Variants in VWC2L observed in about 807,000 individuals in gnomAD.
VWC2L encodes the protein von Willebrand factor C domain-containing protein 2-like.
VWC2L carries 10 observed loss-of-function variants against 21.6 expected under a neutral mutation model. That is an observed-to-expected ratio of 0.46 (90% CI 0.29 to 0.78). The LOEUF is 0.78. VWC2L is among the 30% of genes least tolerant of loss of function. The probability of loss-of-function intolerance (pLI) is 0.10; values close to 1 mark genes in which losing one functional copy is unlikely to be tolerated. For synonymous variants in VWC2L, 96 were observed against 94.3 expected, an observed-to-expected ratio of 1.02 and a Z score of -0.10; for missense variants, 209 against 277.1, an observed-to-expected ratio of 0.75 and a Z score of 1.74.
chr2:214,543,868 G>A lies in VWC2L; in HGVS notation c.521-31804G>A, dbSNP rs80175537. Among the ~76,000 whole-genome samples the A allele has an allele frequency of 2.8e-3, 428 of 152,154 alleles. 5 individuals carry two copies. The highest frequency in any genetic ancestry group is 0.023 in the East Asian group (117 of 5,170). On this transcript the variant is annotated intron_variant, in intron 3 of 3. Transcript: ENST00000312504. ...CAAATGGCTTCACTTTCATTTTGTCGCCAGGTAAGGGAAAACCTAAAGCCT... is the reference window on the plus strand; with the variant it reads ...CAAATGGCTTCACTTTCATTTTGTCACCAGGTAAGGGAAAACCTAAAGCCT...
chr2:214,466,307 T>C (rs1180083228), intron 3 of VWC2L, among the ~76,000 whole-genome samples: 1 of 152,184 alleles, frequency 6.6e-6, no homozygotes, highest in Non-Finnish European at 1.5e-5. Flanking sequence ...AAGATGTTGC[T>C]CCACTTCTCA....
chr2:214,423,250 T>C (rs950608015), intron 2 of VWC2L, among the ~76,000 whole-genome samples: 1 of 152,104 alleles, frequency 6.6e-6, no homozygotes, highest in African/African-American at 2.4e-5. Context: ...ATAGTCTAGG[T>C]CCTTTCTACT....
intron 1 of VWC2L, among the ~76,000 whole-genome samples, chr2:214,412,817 T>A (rs1189018564): frequency 6.6e-6 from 1 of 152,076 alleles, no homozygotes; most frequent in Non-Finnish European, 1.5e-5. Context: ...CTTAATATAA[T>A]CTGAAAATAA....
chr2:214,535,100 G>A (rs1689505568), intron 3 of VWC2L, among the ~76,000 whole-genome samples: 2 of 152,052 alleles, frequency 1.3e-5, no homozygotes, highest in Admixed American at 6.6e-5. Flanking sequence ...GATCCTAGGA[G>A]TTTGCTTCCT....
rs1196429284 is a variant in VWC2L, at chr2:214,411,741, T to A, written c.-126T>A. On this transcript the variant is annotated 5_prime_UTR_variant, in exon 1 of 4. It adds an upstream start codon to the 5' untranslated region. Transcript: ENST00000312504. ...AACATACCTGACCTTTTAGTTCATTTTGGGCTGTGACCCCTACCACCACCA... is the reference window on the plus strand; with the variant it reads ...AACATACCTGACCTTTTAGTTCATTATGGGCTGTGACCCCTACCACCACCA... The A allele has an allele frequency of 2.0e-5, 3 of 152,192 alleles. No individual in the cohort carries two copies. Among genetic ancestry groups the A allele is most frequent in the African/African-American group, 7.2e-5 (3 of 41,440 alleles). 9.4% of individuals were successfully genotyped at this position (152,192 alleles called of 1,614,324 possible). A position where few individuals can be genotyped will look rare whatever the true frequency, so the allele number is the denominator to read the frequency against.
At chr2:214,421,654 T>C (rs1702441682) in intron 2 of VWC2L, among the ~76,000 whole-genome samples, 1 of 152,028 alleles carries the variant, frequency 6.6e-6, no homozygotes. Flanking sequence ...CAGTCATCAG[T>C]AGTTTACAGA....
chr2:214,442,382 G>T (rs1358660460), intron 3 of VWC2L, among the ~76,000 whole-genome samples: 1 of 152,064 alleles, frequency 6.6e-6, no homozygotes, highest in Admixed American at 6.6e-5. Context: ...AACAATAGAT[G>T]TGAACAGGTA....
intron 3 of VWC2L, among the ~76,000 whole-genome samples, chr2:214,497,287 G>C (rs1452354396): frequency 6.6e-6 from 1 of 152,132 alleles, no homozygotes; most frequent in African/African-American, 2.4e-5. Context: ...GTAGATGGTG[G>C]TGTTGGCTTC....
chr2:214,553,398 G>A (rs1689825490), intron 3 of VWC2L, among the ~76,000 whole-genome samples: 1 of 152,192 alleles, frequency 6.6e-6, no homozygotes, highest in Non-Finnish European at 1.5e-5. Flanking sequence ...CATGTAAGAT[G>A]TACATGGGTT....
intron 2 of VWC2L, 119 bp downstream of exon 2, chr2:214,414,702 C>T (rs1702329184): frequency 1.8e-6 from 2 of 1,117,846 alleles, no homozygotes; most frequent in Admixed American, 3.0e-5. Flanking sequence ...TTAAATTATA[C>T]AATTTGATTC....
chr2:214,441,791 A>C (rs929953852), intron 3 of VWC2L, among the ~76,000 whole-genome samples: 1 of 152,020 alleles, frequency 6.6e-6, no homozygotes, highest in African/African-American at 2.4e-5. Context: ...GTTTAGAAGA[A>C]TACATATCAT....
rs948086324 is a variant in VWC2L, at chr2:214,427,914, C to A, written c.391-8715C>A. Among the ~76,000 whole-genome samples the A allele has an allele frequency of 7.2e-5, 11 of 152,118 alleles. No homozygotes were observed. The South Asian group carries it at 2.1e-3, about 29-fold the overall frequency. On this transcript the variant is annotated intron_variant, in intron 2 of 3. Transcript: ENST00000312504. ...GTACAGAAAACCATCCATTTCCTTTCCAATACAGTATTTTTGATTCACAGT... is the reference window on the plus strand; with the variant it reads ...GTACAGAAAACCATCCATTTCCTTTACAATACAGTATTTTTGATTCACAGT...
At chr2:214,571,087 T>C (rs1321464595) in intron 3 of VWC2L, among the ~76,000 whole-genome samples, 1 of 152,200 alleles carries the variant, frequency 6.6e-6, no homozygotes, top group Non-Finnish European at 1.5e-5. Context: ...TAAAGACCTA[T>C]AGAAAAACAA....
intron 3 of VWC2L, among the ~76,000 whole-genome samples, chr2:214,458,945 T>C (rs1181407802): frequency 3.3e-5 from 5 of 152,326 alleles, no homozygotes; most frequent in African/African-American, 1.2e-4. Flanking sequence ...TTTGGTCTAA[T>C]GCGCAGTTTA....
intron 3 of VWC2L, among the ~76,000 whole-genome samples, chr2:214,471,986 T>C (rs994063897): frequency 1.3e-5 from 2 of 152,176 alleles, no homozygotes; most frequent in African/African-American, 4.8e-5. Flanking sequence ...ACCTAAATTT[T>C]TCTCATTTGT....
At chr2:214,427,539 T>G (rs1380079920) in intron 2 of VWC2L, among the ~76,000 whole-genome samples, 1 of 152,196 alleles carries the variant, frequency 6.6e-6, no homozygotes, top group Non-Finnish European at 1.5e-5. Context: ...AATGCCATTC[T>G]CAATCGAACC....
intron 3 of VWC2L, among the ~76,000 whole-genome samples, chr2:214,464,687 G>A (rs141315679): frequency 7.0e-4 from 106 of 152,194 alleles, no homozygotes; most frequent in East Asian, 2.7e-3. Flanking sequence ...CAGTTGGCAG[G>A]TGACTAATTC....
intron 3 of VWC2L, among the ~76,000 whole-genome samples, chr2:214,529,869 T>G (rs1049979278): frequency 2.6e-5 from 4 of 152,144 alleles, no homozygotes; most frequent in African/African-American, 9.7e-5. Context: ...GCTCATATAC[T>G]GGGTAGTTTC....
At chr2:214,412,290 T>C (rs978624362) in intron 1 of VWC2L, among the ~76,000 whole-genome samples, 37 of 152,164 alleles carry the variant, frequency 2.4e-4, no homozygotes, top group African/African-American at 8.0e-4. Context: ...ATATGGCTTA[T>C]CTTGCATGCA....
Sources: allele counts gnomAD v4.1 joint callset (sites outside exome capture counted in the v4.1 genomes callset), GRCh38; gene constraint gnomAD v4.1.1; transcripts MANE v1.5; gene names NCBI Gene and HGNC (gene_info 2026-07-23, HGNC 2026-07-21).